AUTS2: variants seen among roughly 807,000 people sequenced by gnomAD.
AUTS2 encodes the protein activator of transcription and developmental regulator AUTS2.
AUTS2 carries 17 observed loss-of-function variants against 112.4 expected under a neutral mutation model. The ratio of observed to expected loss-of-function variants is 0.15; its 90% confidence interval spans 0.10 to 0.23. AUTS2 has a LOEUF of 0.23. Ranked by LOEUF, AUTS2 falls within the 10% of genes least tolerant of loss-of-function variation. The probability of loss-of-function intolerance (pLI) is 1.00; values close to 1 mark genes in which losing one functional copy is unlikely to be tolerated. For missense variants in AUTS2, 1,510 were observed against 1,701.6 expected, an observed-to-expected ratio of 0.89 and a Z score of 1.98; for synonymous variants, 751 against 702.7, an observed-to-expected ratio of 1.07 and a Z score of -1.09.
chr7:69,684,174 G>A (rs1036444343), intron 1 of AUTS2, among the ~76,000 whole-genome samples: 7 of 152,182 alleles, frequency 4.6e-5, no homozygotes, highest in African/African-American at 1.7e-4. Context: ...GTCATGGGGA[G>A]GTGATTAGGT....
intron 3 of AUTS2, among the ~76,000 whole-genome samples, chr7:70,124,217 G>A (rs962254042): frequency 1.3e-5 from 2 of 151,966 alleles, no homozygotes; most frequent in South Asian, 4.2e-4. Flanking sequence ...GTTTTGTCTT[G>A]TAAATTTGTT....
chr7:69,881,113 A>G (rs1357261445), intron 1 of AUTS2, among the ~76,000 whole-genome samples: 1 of 152,244 alleles, frequency 6.6e-6, no homozygotes, highest in Non-Finnish European at 1.5e-5. Context: ...ATAAAAACAC[A>G]TTAGAACTTT....
At chr7:70,485,091 A>G (rs1018984643) in intron 5 of AUTS2, among the ~76,000 whole-genome samples, 2 of 152,240 alleles carry the variant, frequency 1.3e-5, no homozygotes, top group Non-Finnish European at 2.9e-5. Flanking sequence ...TTAAAGAACT[A>G]AAAGTAGAAC....
chr7:70,174,338 A>C (rs564076114), intron 4 of AUTS2, among the ~76,000 whole-genome samples: 1 of 152,246 alleles, frequency 6.6e-6, no homozygotes, highest in Non-Finnish European at 1.5e-5. Flanking sequence ...GGAAGCTATC[A>C]GAGTGTGGTT....
chr7:69,744,502 T>G (rs1264109471), intron 1 of AUTS2, among the ~76,000 whole-genome samples: 1 of 152,080 alleles, frequency 6.6e-6, no homozygotes, highest in Admixed American at 6.6e-5. Flanking sequence ...AGACCAGTGA[T>G]TTCACACTTT....
chr7:70,198,266 C>G (rs1810298050), intron 4 of AUTS2, among the ~76,000 whole-genome samples: 1 of 149,632 alleles, frequency 6.7e-6, no homozygotes, highest in African/African-American at 2.4e-5. Context: ...AAACTGGAAA[C>G]TCTAAAACGC....
chr7:70,244,647 G>T (rs943991404), intron 4 of AUTS2, among the ~76,000 whole-genome samples: 3 of 152,132 alleles, frequency 2.0e-5, no homozygotes, highest in Non-Finnish European at 4.4e-5. Flanking sequence ...GGCACTACTG[G>T]ATACAATTGA....
chr7:69,867,865 G>A (rs1042677635), intron 1 of AUTS2, among the ~76,000 whole-genome samples: 4 of 151,910 alleles, frequency 2.6e-5, no homozygotes, highest in Admixed American at 1.3e-4. Context: ...TAAAAATACA[G>A]GACACATAGA....
At chr7:70,392,149 T>G (rs1206053665) in intron 4 of AUTS2, among the ~76,000 whole-genome samples, 1 of 152,192 alleles carries the variant, frequency 6.6e-6, no homozygotes, top group African/African-American at 2.4e-5. Context: ...AATGGCTTCT[T>G]TGTATGACTG....
intron 4 of AUTS2, among the ~76,000 whole-genome samples, chr7:70,188,369 G>A (rs1809712474): frequency 6.6e-6 from 1 of 152,178 alleles, no homozygotes; most frequent in Admixed American, 6.5e-5. Context: ...GGCTACAGAG[G>A]TTAAAAGTGG....
At chr7:70,339,409 A>G (rs966228320) in intron 4 of AUTS2, among the ~76,000 whole-genome samples, 1 of 152,254 alleles carries the variant, frequency 6.6e-6, no homozygotes, top group Non-Finnish European at 1.5e-5. Context: ...TATTCAACAC[A>G]GAAATATAAG....
chr7:69,821,901 G>C (rs10272781), intron 1 of AUTS2, among the ~76,000 whole-genome samples: 10,516 of 138,642 alleles, frequency 0.076, 527 homozygotes, highest in African/African-American at 0.14. Context: ...GGGCGATAGA[G>C]TGAGACAGGG....
At chr7:70,490,940 A>G (rs1001761216) in intron 5 of AUTS2, among the ~76,000 whole-genome samples, 2 of 152,208 alleles carry the variant, frequency 1.3e-5, no homozygotes, top group African/African-American at 4.8e-5. Flanking sequence ...GCTCACCTCC[A>G]GCTCCCAAGT....
At chr7:70,020,908 T>A (rs1258156161) in intron 2 of AUTS2, among the ~76,000 whole-genome samples, 1 of 152,164 alleles carries the variant, frequency 6.6e-6, no homozygotes, top group African/African-American at 2.4e-5. Context: ...TGAGCTCAAG[T>A]GATTCTCCCA....
At chr7:69,812,220 A>G (rs149949190) in intron 1 of AUTS2, among the ~76,000 whole-genome samples, 12 of 152,340 alleles carry the variant, frequency 7.9e-5, no homozygotes, top group Admixed American at 3.3e-4. Flanking sequence ...TAAAAACCAC[A>G]TAAAAGCCAT....
intron 2 of AUTS2, among the ~76,000 whole-genome samples, chr7:70,019,537 G>A (rs776245272): frequency 4.0e-5 from 6 of 151,788 alleles, no homozygotes; most frequent in African/African-American, 9.7e-5. Flanking sequence ...TTTACTTTTC[G>A]TAGTAGGAAT....
At chr7:70,787,503 GC>G (rs1290066386) in intron 18 of AUTS2, 72 bp downstream of exon 18, 1 of 1,123,392 alleles carries the variant, frequency 8.9e-7, no homozygotes, top group Non-Finnish European at 1.3e-6. Context: ...GGAACTGGCC[GC>G]CCACCCTCCC....
Position 70,132,134 on chromosome 7 carries a change from T to C in AUTS2, c.625-2402T>C, listed in dbSNP as rs916322016. ...CATGTGTTTTCTGCTGATCCTGAAA[T>C]CAAAACTGAATACCATGCATCTTTT... On this transcript the variant is annotated intron_variant, in intron 3 of 18. Coordinates refer to ENST00000342771, the MANE Select transcript of AUTS2 (RefSeq NM_015570.4). Among the ~76,000 whole-genome samples the C allele has an allele frequency of 3.4e-4, 30 of 89,062 alleles. No homozygotes were observed. The Admixed American group carries it at 3.6e-3, about 11-fold the overall frequency. 58.4% of individuals were successfully genotyped at this position (89,062 alleles called of 152,430 possible).
intron 1 of AUTS2, among the ~76,000 whole-genome samples, chr7:69,792,242 TG>T (rs1168633462): frequency 2.2e-5 from 3 of 137,362 alleles, no homozygotes; most frequent in African/African-American, 5.3e-5. Flanking sequence ...GTTTTTTTTT[TG>T]TTTTGTTTTT....
Sources: allele counts gnomAD v4.1 joint callset (sites outside exome capture counted in the v4.1 genomes callset), GRCh38; gene constraint gnomAD v4.1.1; transcripts MANE v1.5; gene names NCBI Gene and HGNC (gene_info 2026-07-23, HGNC 2026-07-21).